The following PCDHGA7 variants were observed in gnomAD, a reference collection of about 807,000 sequenced individuals.
The protein encoded by PCDHGA7 is protocadherin gamma-A7.
In PCDHGA7, 44 loss-of-function variants were observed where a neutral mutation model predicts 58.3. The observed-to-expected ratio is 0.75, with a 90% CI of 0.59 to 0.97. The LOEUF (loss-of-function observed/expected upper bound fraction) is 0.97. Ranked by LOEUF, PCDHGA7 falls within the 50% of genes least tolerant of loss-of-function variation. The pLI is 0.00. For synonymous variants in PCDHGA7, 516 were observed against 504.2 expected, an observed-to-expected ratio of 1.02 and a Z score of -0.31; for missense variants, 1,266 against 1,188.7, an observed-to-expected ratio of 1.06 and a Z score of -0.96.
At chr5:141,449,531 G>A (rs1421489293) in intron 1 of PCDHGA7, among the ~76,000 whole-genome samples, 2 of 149,216 alleles carry the variant, frequency 1.3e-5, no homozygotes, top group Admixed American at 6.7e-5. Flanking sequence ...GGAGGTTGCA[G>A]TGAGCCGAGA....
intron 2 of PCDHGA7, among the ~76,000 whole-genome samples, 199 bp downstream of exon 2, chr5:141,495,064 C>T (rs563712352): frequency 6.6e-6 from 1 of 152,296 alleles, no homozygotes; most frequent in South Asian, 2.1e-4. Context: ...GTTCAGGAAG[C>T]TCAATTCACA....
intron 1 of PCDHGA7, chr5:141,426,765 G>A (rs1343961009): frequency 1.8e-5 from 8 of 456,530 alleles, no homozygotes; most frequent in Non-Finnish European, 3.5e-5. Flanking sequence ...AGATGCAGAT[G>A]TAGGGCCTCA....
At chr5:141,494,064 G>T (rs1233070772) in intron 1 of PCDHGA7, among the ~76,000 whole-genome samples, 2 of 152,160 alleles carry the variant, frequency 1.3e-5, no homozygotes, top group South Asian at 2.1e-4. Flanking sequence ...TGTGGGAGCT[G>T]GATCCCTCCC....
chr5:141,414,185 T>C lies in PCDHGA7; in HGVS notation c.2424+28862T>C, dbSNP rs374044785. ...GGAGCATATCTTGCAACTGCAAAAG[T>C]GTTGATTACAGTAGAAGATGTAAAT... On this transcript the variant is annotated intron_variant, in intron 1 of 3. Transcript: ENST00000518325. The C allele has an allele frequency of 1.2e-5, 19 of 1,609,558 alleles. No homozygotes were observed. The highest frequency in any genetic ancestry group is 1.6e-5 in the Non-Finnish European group (19 of 1,177,778).
chr5:141,427,304 C>T, intron 1 of PCDHGA7: 1 of 456,910 alleles, frequency 2.2e-6, no homozygotes, highest in Non-Finnish European at 4.4e-6. Flanking sequence ...ATGAGAATGA[C>T]AATGCCCCAG....
Position 141,432,806 on chromosome 5 carries a change from A to G in PCDHGA7, c.2424+47483A>G, listed in dbSNP as rs755248654. 12 of 1,614,070 alleles carry G rather than the reference A, an allele frequency of 7.4e-6. No individual in the cohort carries two copies. Among genetic ancestry groups the G allele is most frequent in the Non-Finnish European group, 9.3e-6 (11 of 1,179,972 alleles). On this transcript the variant is annotated intron_variant, in intron 1 of 3. Transcript: ENST00000518325. This position sits in a 1 kb window ranked among gnomAD's most constrained non-coding sequence, Gnocchi z 6.0. ...CCTCGGCAGCCTCGAGTCTCCAGCT[A>G]ACTCTGAAACCTCAGACCTCACTCT...
intron 1 of PCDHGA7, among the ~76,000 whole-genome samples, chr5:141,401,282 C>G (rs963741934): frequency 4.0e-5 from 6 of 151,884 alleles, no homozygotes; most frequent in African/African-American, 1.5e-4. Context: ...GTGGAGGTTG[C>G]GGTGAGCCGA....
intron 1 of PCDHGA7, among the ~76,000 whole-genome samples, chr5:141,466,021 G>A (rs2099115061): frequency 6.6e-6 from 1 of 151,934 alleles, no homozygotes; most frequent in Admixed American, 6.6e-5. Flanking sequence ...ACTCGGGAGG[G>A]TGAGGCAGGA....
intron 1 of PCDHGA7, chr5:141,388,752 T>C: frequency 6.2e-7 from 1 of 1,614,002 alleles, no homozygotes; most frequent in East Asian, 2.2e-5. Context: ...GATCACCCAA[T>C]TTGACCTGAA....
chr5:141,395,264 A>C (rs2093207486), intron 1 of PCDHGA7: 1 of 1,549,832 alleles, frequency 6.5e-7, no homozygotes, highest in Non-Finnish European at 8.7e-7. Context: ...GCTTGCTTTT[A>C]ATTTCCAGAT....
At chr5:141,499,689 C>CTTT (rs545067566) in intron 2 of PCDHGA7, among the ~76,000 whole-genome samples, 57 of 119,830 alleles carry the variant, frequency 4.8e-4, no homozygotes, top group Non-Finnish European at 6.2e-4. Context: ...TAACAGATGA[C>CTTT]TTTTTTTTTT....
At position 141,487,080 on chromosome 5, in the gene PCDHGA7, C is replaced by G. The variant is rs2154580766; in HGVS notation, c.2425-7727C>G. 1 of 1,614,126 alleles carries G rather than the reference C, an allele frequency of 6.2e-7. No individual in the cohort carries two copies. Among genetic ancestry groups the G allele is most frequent in the East Asian group, 2.2e-5 (1 of 44,872 alleles). On this transcript the variant is annotated intron_variant, in intron 1 of 3. Coordinates refer to ENST00000518325, the MANE Select transcript of PCDHGA7 (RefSeq NM_018920.4). This position sits in a 1 kb window ranked among gnomAD's most constrained non-coding sequence, Gnocchi z 5.0. ...GTGCGGACGGCTGTTCCTATCCCAG[C>G]TGACCTCCCACCACAGAAGCTGGTC...
At position 141,431,335 on chromosome 5, in the gene PCDHGA7, C is replaced by A. The variant is rs747132346; in HGVS notation, c.2424+46012C>A. On this transcript the variant is annotated intron_variant, in intron 1 of 3. Transcript: ENST00000518325. This position sits in a 1 kb window ranked among gnomAD's most constrained non-coding sequence, Gnocchi z 4.8. ...ATGGAGCCGACGGTAGTAAGTACCCCGAATTGGTGCTGAAACGCGCCCTGG... is the reference window on the plus strand; with the variant it reads ...ATGGAGCCGACGGTAGTAAGTACCCAGAATTGGTGCTGAAACGCGCCCTGG... 11 of 1,613,944 alleles carry A rather than the reference C, an allele frequency of 6.8e-6. No homozygotes were observed. The Admixed American group carries it at 1.5e-4, about 22-fold the overall frequency.
rs776854254 is a variant in PCDHGA7 at position 141,487,285 on chromosome 5, C to T, written c.2425-7522C>T. On this transcript the variant is annotated intron_variant, in intron 1 of 3. Coordinates refer to ENST00000518325, the MANE Select transcript of PCDHGA7 (RefSeq NM_018920.4). This position sits in a 1 kb window ranked among gnomAD's most constrained non-coding sequence, Gnocchi z 5.0. The stretch of plus-strand genomic sequence containing the variant: ...CCCTAGTGGCAATTTGCTTTGTCTC[C>T]TTTGGCTCATTCGTGGCACTACTCT... 8 of 1,614,148 alleles carry T rather than the reference C, an allele frequency of 5.0e-6. No homozygotes were observed. The highest frequency in any genetic ancestry group is 6.8e-6 in the Non-Finnish European group (8 of 1,180,036).
chr5:141,511,359 T>C lies in PCDHGA7; in HGVS notation c.*186T>C. The stretch of plus-strand genomic sequence containing the variant: ...CACCTACCCCTTCCCCCCCAGGGGG[T>C]TGAATATGCAAAAGCAGTTCCGCTG... On this transcript the variant is annotated 3_prime_UTR_variant, in exon 4 of 4. Coordinates refer to ENST00000518325, the MANE Select transcript of PCDHGA7 (RefSeq NM_018920.4). The C allele has an allele frequency of 2.2e-6, 3 of 1,339,338 alleles. No homozygotes were observed. In the South Asian group the frequency reaches 4.6e-5, roughly 20 times the overall value. The allele number at this position is 1,339,338 out of a possible 1,614,324, so 83.0% of individuals were successfully genotyped here. A position where few individuals can be genotyped will look rare whatever the true frequency, so the allele number is the denominator to read the frequency against.
chr5:141,505,294 G>A, intron 2 of PCDHGA7, 99 bp from the exon 3 acceptor site: 1 of 1,572,086 alleles, frequency 6.4e-7, no homozygotes, highest in Non-Finnish European at 8.6e-7. Flanking sequence ...GCATGGGGTA[G>A]GGTTAGGGTA....
At chr5:141,418,149 AAG>A (rs768024698) in intron 1 of PCDHGA7, 1 of 1,613,982 alleles carries the variant, frequency 6.2e-7, no homozygotes, top group Non-Finnish European at 8.5e-7. Flanking sequence ...CAAATATGCA[AAG>A]AGAGAAGAAG....
intron 1 of PCDHGA7, chr5:141,410,151 G>A: frequency 6.2e-7 from 1 of 1,613,018 alleles, no homozygotes; most frequent in Non-Finnish European, 8.5e-7. Flanking sequence ...CGTGACGGTG[G>A]ACAGCCGCCA....
Position 141,384,573 on chromosome 5 carries a change from C to A in PCDHGA7, c.1674C>A (p.Asn558Lys). 1 of 1,614,250 alleles carries A rather than the reference C, an allele frequency of 6.2e-7. No homozygotes were observed. The highest frequency in any genetic ancestry group is 8.5e-7 in the Non-Finnish European group (1 of 1,180,048). The stretch of plus-strand genomic sequence containing the variant: ...TGTTCGTGCTGGACCAGAATGACAA[C>A]CCGCCCGAGATCCTGTACCCGGCCC... The part of the protein sequence containing the change: ...LSLFVLDQND[N>K]PPEILYPALP... The change falls in exon 1 of 4, where the codon AAC becomes AAA. Residue 558 changes from asparagine (N) to lysine (K), a missense_variant. By Grantham distance (94) the Asn-to-Lys change is moderately conservative. Coordinates refer to ENST00000518325, the MANE Select transcript of PCDHGA7 (RefSeq NM_018920.4).
Sources: gnomAD v4.1 joint callset for allele counts (sites outside exome capture counted in the v4.1 genomes callset) on GRCh38, gnomAD v4.1.1 for gene constraint, Gnocchi (gnomAD v3.1) non-coding constraint, MANE v1.5 for transcripts, NCBI Gene and HGNC (gene_info 2026-07-23, HGNC 2026-07-21) for gene names.